TUBD1: variants seen among roughly 807,000 people sequenced by gnomAD.
TUBD1 encodes tubulin delta chain.
Under a neutral mutation model 51.2 loss-of-function variants are expected in TUBD1, and 38 were observed. The ratio of observed to expected loss-of-function variants is 0.74; its 90% CI spans 0.57 to 0.97. The LOEUF (loss-of-function observed/expected upper bound fraction) is 0.97, where lower values mean the gene tolerates loss of function less well. TUBD1 is among the 50% of genes least tolerant of loss of function. The probability of loss-of-function intolerance (pLI) is 0.00; values close to 1 mark genes in which losing one functional copy is unlikely to be tolerated. For missense variants in TUBD1, 489 were observed against 538.4 expected (o/e 0.91, Z 0.91); for synonymous variants, 169 against 178.2 (o/e 0.95, Z 0.41).
intron 6 of TUBD1, among the ~76,000 whole-genome samples, chr17:59,868,630 A>G (rs2039828234): frequency 6.6e-6 from 1 of 152,106 alleles, no homozygotes; most frequent in Admixed American, 6.6e-5. Context: ...CGAGTTCAAG[A>G]GATCGAGACC....
In TUBD1 at chr17:59,860,467, T is replaced by A. The variant is rs750548164; in HGVS notation, c.1260-43A>T. ...AAAACAGAAATTACAAAATAAAAAA[T>A]GTCTGGCAAATGAGTAACTCTTAAA... On this transcript the variant is annotated intron_variant, in intron 8 of 8. Coordinates refer to ENST00000325752, the MANE Select transcript of TUBD1 (RefSeq NM_016261.4). The A allele has an allele frequency of 1.7e-5, 23 of 1,322,542 alleles. No homozygotes were observed. The African/African-American group carries it at 3.3e-4, about 19-fold the overall frequency. 81.9% of individuals were successfully genotyped at this position (1,322,542 alleles called of 1,614,324 possible).
intron 8 of TUBD1, among the ~76,000 whole-genome samples, chr17:59,863,172 T>A (rs2039539654): frequency 6.6e-6 from 1 of 152,190 alleles, no homozygotes; most frequent in South Asian, 2.1e-4. Flanking sequence ...GTGAGAAATG[T>A]CCTCAGTTAG....
At position 59,881,127 on chromosome 17, in the gene TUBD1, G is replaced by C. The variant is rs746912507; in HGVS notation, c.321-17C>G. 4.5e-6 allele frequency: 7 copies of C among 1,568,026 alleles called. No individual in the cohort carries two copies. Among genetic ancestry groups the C allele is most frequent in the Non-Finnish European group, 6.1e-6 (7 of 1,138,784 alleles). On this transcript the variant is annotated splice_polypyrimidine_tract_variant and intron_variant, in intron 3 of 8. Transcript: ENST00000325752. ...ACAGAGTAACTATGCAATGGCAAAA[G>C]AAACAAACACAAACACTTTTCAATT...
chr17:59,874,570 C>G lies in TUBD1; in HGVS notation c.903G>C (p.Gln301His), dbSNP rs770375433. 8.1e-6 allele frequency: 13 copies of G among 1,612,000 alleles called. No homozygotes were observed. Among genetic ancestry groups the G allele is most frequent in the Admixed American group, 3.4e-5 (2 of 59,374 alleles). Residue 301 changes from glutamine to histidine, a missense_variant, in exon 6 of 9, where the codon CAG (glutamine) becomes CAC (histidine). Transcript: ENST00000325752. Reference sequence around the variant, plus strand: ...CCATCTTTGCATTAGAAATGAGCATCTGTCTCAAATGCTTGAGGAGGCCAG... The same window carrying G: ...CCATCTTTGCATTAGAAATGAGCATGTGTCTCAAATGCTTGAGGAGGCCAG... Reference protein sequence around the residue: ...TWAGLLKHLRQMLISNAKMEE... With the variant: ...TWAGLLKHLRHMLISNAKMEE...
chr17:59,889,305 C>T (rs2040877625), intron 2 of TUBD1, among the ~76,000 whole-genome samples: 1 of 150,884 alleles, frequency 6.6e-6, no homozygotes, highest in African/African-American at 2.4e-5. Context: ...TGAGCCACTG[C>T]GCCCTGCTGG....
Position 59,885,334 on chromosome 17 carries a change from A to C in TUBD1, c.320+749T>G, listed in dbSNP as rs530236341. ...TGAACCGATGCACTGGCAGCTAGAC[A>C]TGTATACCAGGAATATGTCCCCCAC... On this transcript the variant is annotated intron_variant, in intron 3 of 8. Transcript: ENST00000325752. 6 of 667,152 alleles carry C rather than the reference A, an allele frequency of 9.0e-6. No individual in the cohort carries two copies. The East Asian group carries it at 1.4e-4, about 16-fold the overall frequency. 41.3% of individuals were successfully genotyped at this position (667,152 alleles called of 1,614,324 possible).
intron 6 of TUBD1, among the ~76,000 whole-genome samples, chr17:59,872,784 G>C (rs77506270): frequency 1.4e-5 from 2 of 138,654 alleles, no homozygotes; most frequent in African/African-American, 5.3e-5. Flanking sequence ...TTTTTTTTTT[G>C]AGATGGAGTT....
chr17:59,887,429 G>A (rs1330920921), intron 2 of TUBD1, among the ~76,000 whole-genome samples: 2 of 151,640 alleles, frequency 1.3e-5, no homozygotes, highest in South Asian at 2.1e-4. Context: ...ACACTGCAAC[G>A]TGATATGACC....
At chr17:59,863,342 G>A (rs75440302) in intron 8 of TUBD1, among the ~76,000 whole-genome samples, 6,669 of 152,242 alleles carry the variant, frequency 0.044, 237 homozygotes, top group Admixed American at 0.11. Flanking sequence ...AGTGCATGGT[G>A]GCTTACGCCT....
chr17:59,862,557 G>T (rs1181687899), intron 8 of TUBD1, among the ~76,000 whole-genome samples: 1 of 150,426 alleles, frequency 6.6e-6, no homozygotes, highest in Non-Finnish European at 1.5e-5. Context: ...ATTTTTTTTT[G>T]AGATGGAGTC....
chr17:59,886,026 C>T, intron 3 of TUBD1, 57 bp downstream of exon 3: 1 of 1,572,492 alleles, frequency 6.4e-7, no homozygotes, highest in South Asian at 1.1e-5. Context: ...ACTTTGCTAT[C>T]TATTAATTGA....
chr17:59,863,934 C>T, intron 7 of TUBD1, 87 bp from the exon 8 acceptor site: 1 of 1,140,110 alleles, frequency 8.8e-7, no homozygotes, highest in African/African-American at 1.6e-5. Context: ...TTGTCTATTT[C>T]ATCAGAGATC....
rs757816878 is a variant in TUBD1, at chr17:59,878,199, T to C, written c.673A>G (p.Ser225Gly). Residue 225 changes from serine (S) to glycine (G), a missense_variant, in exon 5 of 9, where the codon AGT (serine) becomes GGT (glycine). By Grantham distance (56) the Ser-to-Gly change is moderately conservative. Transcript: ENST00000325752. ...KLMNIKQISF[S>G]DINQVLAHQL... The stretch of plus-strand genomic sequence containing the variant: ...TGTGCGAGGACTTGATTGATATCAC[T>C]AAAGGAGATCTGCTTGATATTCATC... The C allele has an allele frequency of 6.2e-7, 1 of 1,614,140 alleles. No individual in the cohort carries two copies. Among genetic ancestry groups the C allele is most frequent in the South Asian group, 1.1e-5 (1 of 91,086 alleles).
intron 5 of TUBD1, among the ~76,000 whole-genome samples, chr17:59,877,152 C>G (rs2144515927): frequency 6.6e-6 from 1 of 152,292 alleles, no homozygotes; most frequent in Non-Finnish European, 1.5e-5. Flanking sequence ...AGCCACCACG[C>G]CTGGCCACCT....
chr17:59,865,003 T>C (rs2039633990), intron 7 of TUBD1, among the ~76,000 whole-genome samples: 1 of 151,832 alleles, frequency 6.6e-6, no homozygotes, highest in Non-Finnish European at 1.5e-5. Flanking sequence ...ACTACAGGTG[T>C]GCACCACTAT....
rs1356399703 is a variant in TUBD1, at chr17:59,859,806, T to C, written c.*516A>G. The C allele has an allele frequency of 6.6e-6, 1 of 152,096 alleles. No homozygotes were observed. The highest frequency in any genetic ancestry group is 1.9e-4 in the East Asian group (1 of 5,208). The allele number at this position is 152,096 out of a possible 1,614,324, so 9.4% of individuals were successfully genotyped here. ...TCTCTTTTCTTGGCTAGTTCCAGAG[T>C]CCCAACATTTCAGCAAAGTGTTTCC... On this transcript the variant is annotated 3_prime_UTR_variant, in exon 9 of 9. Transcript: ENST00000325752.
intron 2 of TUBD1, 105 bp downstream of exon 2, chr17:59,890,726 C>A: frequency 2.1e-6 from 2 of 935,046 alleles, no homozygotes; most frequent in Non-Finnish European, 3.1e-6. Flanking sequence ...AAAGTAATTC[C>A]CTAGTGAGAT....
chr17:59,866,846 T>C (rs915113889), intron 6 of TUBD1, 97 bp from the exon 7 acceptor site: 5 of 1,004,414 alleles, frequency 5.0e-6, no homozygotes, highest in Non-Finnish European at 5.7e-6. Flanking sequence ...TGCAGTGGCA[T>C]GATCTTGGCT....
Position 59,860,241 on chromosome 17 carries a change from T to C in TUBD1, c.*81A>G, listed in dbSNP as rs1598489275. The C allele has an allele frequency of 1.8e-6, 2 of 1,083,250 alleles. No individual in the cohort carries two copies. Among genetic ancestry groups the C allele is most frequent in the South Asian group, 1.4e-5 (1 of 70,916 alleles). The allele number at this position is 1,083,250 out of a possible 1,614,324, so 67.1% of individuals were successfully genotyped here. The stretch of plus-strand genomic sequence containing the variant: ...CCGTGTTAGCCAGGATGGAGAACTT[T>C]GAAAACTTTACAGAGAAAATAGTAT... On this transcript the variant is annotated 3_prime_UTR_variant, in exon 9 of 9. Transcript: ENST00000325752.
Sources: allele counts gnomAD v4.1 joint callset (sites outside exome capture counted in the v4.1 genomes callset), GRCh38; gene constraint gnomAD v4.1.1; transcripts MANE v1.5; gene names NCBI Gene and HGNC (gene_info 2026-07-23, HGNC 2026-07-21).